KCNS3: variants seen among roughly 807,000 people sequenced by gnomAD.
KCNS3 encodes the protein potassium voltage-gated channel modifier subfamily S member 3, also known as delayed-rectifier potassium channel regulatory subunit KCNS3.
A neutral mutation model predicts 31.0 loss-of-function variants in KCNS3; 13 were observed. The observed-to-expected ratio is 0.42, with a 90% CI of 0.27 to 0.67. The LOEUF is 0.67. Among genes scored for constraint, KCNS3 ranks in the 30% least tolerant of loss-of-function variants. The probability of loss-of-function intolerance (pLI) is 0.25; values close to 1 mark genes in which losing one functional copy is unlikely to be tolerated. For missense variants in KCNS3, 545 were observed against 622.4 expected (o/e 0.88, Z 1.32); for synonymous variants, 238 against 241.5 (o/e 0.99, Z 0.13).
chr2:17,931,699 G>A lies in KCNS3; in HGVS notation c.691G>A (p.Ala231Thr), dbSNP rs1662979579. Residue 231 changes from alanine to threonine, a missense_variant, in exon 3 of 3, where the codon GCC becomes ACC. Transcript: ENST00000304101. This position sits in a 1 kb window ranked among gnomAD's most constrained non-coding sequence, Gnocchi z 5.4. Reference protein sequence around the residue: ...VLEGVEIACIAWFTGELAVRL... With the variant: ...VLEGVEIACITWFTGELAVRL... ...GGAAGGAGTGGAGATCGCGTGCATT[G>A]CCTGGTTCACCGGGGAGCTTGCCGT... 14 of 1,614,082 alleles carry A rather than the reference G, an allele frequency of 8.7e-6. No individual in the cohort carries two copies. Among genetic ancestry groups the A allele is most frequent in the Non-Finnish European group, 1.1e-5 (13 of 1,179,998 alleles).
chr2:17,908,899 C>T (rs762995465), intron 1 of KCNS3, among the ~76,000 whole-genome samples: 4 of 152,202 alleles, frequency 2.6e-5, no homozygotes, highest in Non-Finnish European at 4.4e-5. Context: ...ATAGGCTGCT[C>T]GGGGGTCAGG....
chr2:17,887,314 T>C lies in KCNS3; in HGVS notation c.-252+8508T>C, dbSNP rs1169663802. Among the ~76,000 whole-genome samples the C allele has an allele frequency of 2.6e-5, 4 of 152,158 alleles. No individual in the cohort carries two copies. The East Asian group carries it at 5.8e-4, about 22-fold the overall frequency. On this transcript the variant is annotated intron_variant, in intron 1 of 2. Transcript: ENST00000304101. ...CCCAAAGTCCATTGTATCATTCTTATGCCTTTGCATCCTCATAGCTTAGCT... is the reference window on the plus strand; with the variant it reads ...CCCAAAGTCCATTGTATCATTCTTACGCCTTTGCATCCTCATAGCTTAGCT...
intron 2 of KCNS3, among the ~76,000 whole-genome samples, chr2:17,921,048 T>A (rs1376849247): frequency 6.6e-6 from 1 of 152,196 alleles, no homozygotes. Context: ...AAGACAATGA[T>A]TCATTCATTC....
At chr2:17,898,138 T>A (rs1558449955) in intron 1 of KCNS3, among the ~76,000 whole-genome samples, 1 of 152,158 alleles carries the variant, frequency 6.6e-6, no homozygotes, top group African/African-American at 2.4e-5. Context: ...CTGGGTTCTC[T>A]GTTCTCTTCC....
chr2:17,886,674 A>ATCCG (rs1192936668), intron 1 of KCNS3, among the ~76,000 whole-genome samples: 3 of 137,078 alleles, frequency 2.2e-5, no homozygotes, highest in Non-Finnish European at 3.2e-5. Context: ...GTCCCCATCC[A>ATCCG]TCCGTCCGTC....
chr2:17,903,607 T>A lies in KCNS3; in HGVS notation c.-251-14073T>A, dbSNP rs182350256. Among the ~76,000 whole-genome samples, 554 of 148,074 alleles carry A rather than the reference T, an allele frequency of 3.7e-3. 3 individuals carry two copies. The highest frequency in any genetic ancestry group is 0.013 in the African/African-American group (527 of 40,462). On this transcript the variant is annotated intron_variant, in intron 1 of 2. Coordinates refer to ENST00000304101, the MANE Select transcript of KCNS3 (RefSeq NM_002252.5). ...TATCTCCTAATGCTTTCCTTCCCCCTTCCCCCCACCCCACAACAGGCCCCA... is the reference window on the plus strand; with the variant it reads ...TATCTCCTAATGCTTTCCTTCCCCCATCCCCCCACCCCACAACAGGCCCCA...
intron 1 of KCNS3, among the ~76,000 whole-genome samples, chr2:17,901,028 C>T (rs10208653): frequency 0.49 from 73,925 of 151,968 alleles, 19,181 homozygotes; most frequent in African/African-American, 0.56. Context: ...CTCAAAGAAC[C>T]TAAATGACTG....
chr2:17,878,896 C>G (rs1674572333), intron 1 of KCNS3, 90 bp downstream of exon 1: 1 of 152,458 alleles, frequency 6.6e-6, no homozygotes, highest in Non-Finnish European at 1.5e-5. Flanking sequence ...CCACCTTTTG[C>G]TGCCCCAGTC....
intron 1 of KCNS3, among the ~76,000 whole-genome samples, chr2:17,896,536 C>CT (rs531758774): frequency 0.015 from 2,125 of 143,774 alleles, 41 homozygotes; most frequent in African/African-American, 0.046. Flanking sequence ...TCCTTAGACT[C>CT]TTTTTTTTTT....
At chr2:17,921,911 G>GTA (rs781288456) in intron 2 of KCNS3, among the ~76,000 whole-genome samples, 262 of 100,258 alleles carry the variant, frequency 2.6e-3, no homozygotes, top group East Asian at 5.4e-3. Flanking sequence ...ATGTGTGTGT[G>GTA]TGTGTATATA....
chr2:17,923,025 T>TG lies in KCNS3; in HGVS notation c.-60+5155dup, dbSNP rs552209265. Reference sequence around the variant, plus strand: ...AACTTTTTGAGGAATGGGCTTAAACTGCTTTCTCAAGTGGCTGTACTATTT... The same window carrying TG: ...AACTTTTTGAGGAATGGGCTTAAACTGGCTTTCTCAAGTGGCTGTACTATTT... On this transcript the variant is annotated intron_variant, in intron 2 of 2. Transcript: ENST00000304101. Among the ~76,000 whole-genome samples the TG allele has an allele frequency of 1.7e-3, 253 of 152,334 alleles. 2 individuals carry two copies. Among genetic ancestry groups the TG allele is most frequent in the African/African-American group, 6.1e-3 (252 of 41,584 alleles).
intron 2 of KCNS3, among the ~76,000 whole-genome samples, chr2:17,922,895 T>C (rs1009765503): frequency 3.9e-5 from 6 of 152,234 alleles, no homozygotes; most frequent in African/African-American, 9.6e-5. Flanking sequence ...TTATGAATAA[T>C]GCTGCTACGA....
intron 1 of KCNS3, among the ~76,000 whole-genome samples, chr2:17,907,810 A>C (rs887616667): frequency 8.5e-5 from 13 of 152,158 alleles, no homozygotes; most frequent in African/African-American, 2.9e-4. Context: ...TGGGTTGTAG[A>C]GTTTCTGCTA....
chr2:17,903,819 G>C (rs1662246791), intron 1 of KCNS3, among the ~76,000 whole-genome samples: 1 of 152,066 alleles, frequency 6.6e-6, no homozygotes, highest in Non-Finnish European at 1.5e-5. Flanking sequence ...AGTATTCCAT[G>C]GTGTATATGT....
chr2:17,919,827 G>A (rs1662673200), intron 2 of KCNS3, among the ~76,000 whole-genome samples: 1 of 152,160 alleles, frequency 6.6e-6, no homozygotes. Context: ...AGCTACTGGA[G>A]GTGTTGGCTC....
In KCNS3 at chr2:17,932,466, G is replaced by A; in HGVS notation, c.1458G>A (p.Glu486=). Residue 486 remains glutamate (E), a synonymous_variant, in exon 3 of 3, where the codon GAG becomes GAA. Transcript: ENST00000304101. ...ACATTTGTAACACCACCTCCTTGGA[G>A]AATTGCACAGCAAAATGAGCGGGGG... is the stretch of plus-strand genomic sequence containing the variant. ...NEDICNTTSL[E]NCTAK 6.2e-6 allele frequency: 10 copies of A among 1,611,202 alleles called. No individual in the cohort carries two copies. Among genetic ancestry groups the A allele is most frequent in the Non-Finnish European group, 8.5e-6 (10 of 1,178,532 alleles).
chr2:17,921,025 T>C (rs1050222998), intron 2 of KCNS3, among the ~76,000 whole-genome samples: 1 of 152,226 alleles, frequency 6.6e-6, no homozygotes, highest in Non-Finnish European at 1.5e-5. Flanking sequence ...GACTTAGGGC[T>C]GTTAGAGAAT....
chr2:17,893,032 G>A (rs1030208997), intron 1 of KCNS3, among the ~76,000 whole-genome samples: 2 of 152,196 alleles, frequency 1.3e-5, no homozygotes, highest in African/African-American at 4.8e-5. Flanking sequence ...GGATAGGAAA[G>A]GACCATCAGG....
chr2:17,927,304 C>G (rs1012475183), intron 2 of KCNS3, among the ~76,000 whole-genome samples: 1 of 152,196 alleles, frequency 6.6e-6, no homozygotes, highest in African/African-American at 2.4e-5. Context: ...TGGGAAGTTC[C>G]AAACTTTTCC....
Sources: gnomAD v4.1 joint callset for allele counts (sites outside exome capture counted in the v4.1 genomes callset) on GRCh38, gnomAD v4.1.1 for gene constraint, Gnocchi (gnomAD v3.1) non-coding constraint, MANE v1.5 for transcripts, NCBI Gene and HGNC (gene_info 2026-07-23, HGNC 2026-07-21) for gene names.